Variants in RIPK3 observed in about 807,000 individuals in gnomAD.
RIPK3 encodes receptor-interacting serine/threonine-protein kinase 3.
RIPK3 carries 51 observed loss-of-function variants against 51.6 expected under a neutral mutation model. The ratio of observed to expected loss-of-function variants is 0.99; its 90% CI spans 0.79 to 1.25. The LOEUF (loss-of-function observed/expected upper bound fraction) is 1.25, where lower values mean the gene tolerates loss of function less well. Ranked by LOEUF, RIPK3 falls within the 50% of genes most tolerant of loss-of-function variation. The pLI is 0.00. For missense variants in RIPK3, 654 were observed against 650.4 expected (o/e 1.01, Z -0.06); for synonymous variants, 246 against 257.7 (o/e 0.95, Z 0.44).
Position 24,336,083 on chromosome 14 carries a change from C to T in RIPK3, c.*92G>A. On this transcript the variant is annotated 3_prime_UTR_variant, in exon 10 of 10. Coordinates refer to ENST00000216274, the MANE Select transcript of RIPK3 (RefSeq NM_006871.4). ...ACAGGTCACAAAGTCAGTTTGTGGG[C>T]AGGCCAGACTGCCCTAGAAGGAAGT... The T allele has an allele frequency of 1.5e-6, 2 of 1,317,670 alleles. No individual in the cohort carries two copies. Among genetic ancestry groups the T allele is most frequent in the Non-Finnish European group, 2.1e-6 (2 of 961,584 alleles). 81.6% of individuals were successfully genotyped at this position (1,317,670 alleles called of 1,614,324 possible). A position where few individuals can be genotyped will look rare whatever the true frequency, so the allele number is the denominator to read the frequency against.
intron 8 of RIPK3, 41 bp downstream of exon 8, chr14:24,337,045 T>C (rs1345385678): frequency 6.2e-7 from 1 of 1,608,754 alleles, no homozygotes; most frequent in Non-Finnish European, 8.5e-7. Flanking sequence ...ACAGCATTTA[T>C]AGGACTCTTA....
At position 24,336,328 on chromosome 14, in the gene RIPK3, C is replaced by A. The variant is rs1566445497; in HGVS notation, c.1404G>T (p.Met468Ile). The A allele has an allele frequency of 6.2e-7, 1 of 1,613,932 alleles. No homozygotes were observed. Residue 468 changes from methionine (M) to isoleucine (I), a missense_variant, in exon 10 of 10, where the codon ATG becomes ATT. Transcript: ENST00000216274. ...ATGTGGGCAAGGCAGTTGTCTGTTGCATAGTCAAGTAGTTGTTGTCTCCAA... is the reference window on the plus strand; with the variant it reads ...ATGTGGGCAAGGCAGTTGTCTGTTGAATAGTCAAGTAGTTGTTGTCTCCAA... ...VQVGDNNYLTMQQTTALPTWG... is the reference protein window; with the variant it reads ...VQVGDNNYLTIQQTTALPTWG...
intron 3 of RIPK3, 51 bp from the exon 4 acceptor site, chr14:24,338,618 A>G (rs1420325857): frequency 1.3e-6 from 2 of 1,555,176 alleles, no homozygotes; most frequent in African/African-American, 1.4e-5. Context: ...GGGGCCAGAG[A>G]GCCTCCAGGA....
Position 24,337,124 on chromosome 14 carries a change from A to C in RIPK3, c.1237T>G (p.Ser413Ala). ...GGTCCAGGACTTGGTGTTCCAGTTG[A>C]GGTAGGGCTGGGCATCTGGTTTCTG... ...TFRNQMPSPT[S>A]TGTPSPGPRG... Residue 413 changes from serine (S) to alanine (A), a missense_variant, in exon 8 of 10, where the codon TCA (serine) becomes GCA (alanine). Coordinates refer to ENST00000216274, the MANE Select transcript of RIPK3 (RefSeq NM_006871.4). 1 of 1,610,822 alleles carries C rather than the reference A, an allele frequency of 6.2e-7. No homozygotes were observed. The highest frequency in any genetic ancestry group is 8.5e-7 in the Non-Finnish European group (1 of 1,179,984).
chr14:24,336,884 C>A lies in RIPK3; in HGVS notation c.1336+1G>T. 6.2e-7 allele frequency: 1 copy of A among 1,613,104 alleles called. No individual in the cohort carries two copies. Among genetic ancestry groups the A allele is most frequent in the African/African-American group, 1.3e-5 (1 of 74,998 alleles). ...AAAAGAAAGAGGTAGAGAATGGGTA[C>A]CTGTTACTGGATTTGGCTCCGGGGT... is the stretch of plus-strand genomic sequence containing the variant. On this transcript the variant is annotated splice_donor_variant, in intron 9 of 9. Transcript: ENST00000216274. LOFTEE classifies it high-confidence loss of function.
chr14:24,339,005 A>G lies in RIPK3; in HGVS notation c.471+10T>C. On this transcript the variant is annotated intron_variant, in intron 3 of 9. Coordinates refer to ENST00000216274, the MANE Select transcript of RIPK3 (RefSeq NM_006871.4). The surrounding 1 kb of genome is among the most constrained non-coding windows in gnomAD (Gnocchi z 4.0). ...TGTCTTGAGGCTGAGAGGGGTGTAG[A>G]CCAGCTGACCTTGACGTGCAGCTCT... The G allele has an allele frequency of 2.5e-6, 4 of 1,606,688 alleles. No individual in the cohort carries two copies. The highest frequency in any genetic ancestry group is 3.4e-6 in the Non-Finnish European group (4 of 1,173,138).
chr14:24,337,404 C>T lies in RIPK3; in HGVS notation c.957G>A (p.Glu319=), dbSNP rs1594677814. ...RSSNRRFSIP[E]SGQGGTEMDG... is the part of the protein sequence containing the mutation. ...CCATTTCTGTCCCTCCTTGGCCTGA[C>T]TCTGGGATAGAAAATCTCCTATTGC... The change falls in exon 8 of 10, where the codon GAG becomes GAA. Residue 319 remains glutamate (E), a synonymous_variant. Transcript: ENST00000216274. The T allele has an allele frequency of 6.2e-7, 1 of 1,613,998 alleles. No homozygotes were observed. The highest frequency in any genetic ancestry group is 8.5e-7 in the Non-Finnish European group (1 of 1,179,926).
In RIPK3 at chr14:24,336,929, C is replaced by A; in HGVS notation, c.1292G>T (p.Gly431Val). 1 of 1,614,076 alleles carries A rather than the reference C, an allele frequency of 6.2e-7. No individual in the cohort carries two copies. The highest frequency in any genetic ancestry group is 1.1e-5 in the South Asian group (1 of 91,072). Residue 431 changes from glycine to valine, a missense_variant, in exon 9 of 10, where the codon GGC becomes GTC. Coordinates refer to ENST00000216274, the MANE Select transcript of RIPK3 (RefSeq NM_006871.4). ...CGGGGTCCTGCAGGACCAGTTCATGCCTTGTCTCTCAGCCCCCTGCAAACA... is the reference window on the plus strand; with the variant it reads ...CGGGGTCCTGCAGGACCAGTTCATGACTTGTCTCTCAGCCCCCTGCAAACA... ...PRGNQGAERQ[G>V]MNWSCRTPEP... is the part of the protein sequence containing the mutation.
rs1392573923 is a variant in RIPK3, at chr14:24,339,656, G to A, written c.21-59C>T. ...GCCGTGCCTCAGCGCTGCTCCCCGC[G>A]CCCCTGTGACTCGGCGTTCTCACTG... On this transcript the variant is annotated intron_variant, in intron 1 of 9. Transcript: ENST00000216274. This position sits in a 1 kb window ranked among gnomAD's most constrained non-coding sequence, Gnocchi z 4.0. 6 of 1,606,724 alleles carry A rather than the reference G, an allele frequency of 3.7e-6. No homozygotes were observed. Among genetic ancestry groups the A allele is most frequent in the Non-Finnish European group, 5.1e-6 (6 of 1,175,070 alleles).
intron 9 of RIPK3, 146 bp from the exon 10 acceptor site, chr14:24,336,541 A>G: frequency 8.5e-7 from 1 of 1,180,442 alleles, no homozygotes; most frequent in Middle Eastern, 2.9e-4. Context: ...CCTCTCCAGA[A>G]TTGTGTTAGC....
chr14:24,337,273 T>A lies in RIPK3; in HGVS notation c.1088A>T (p.Lys363Ile). 1 of 1,614,124 alleles carries A rather than the reference T, an allele frequency of 6.2e-7. No homozygotes were observed. The highest frequency in any genetic ancestry group is 8.5e-7 in the Non-Finnish European group (1 of 1,180,036). ...CCTCTTGGTAAGGCTCGGGCATTTTTTAGGAACAGAGCTGGGAGGCTCCTC... is the reference window on the plus strand; with the variant it reads ...CCTCTTGGTAAGGCTCGGGCATTTTATAGGAACAGAGCTGGGAGGCTCCTC... Reference protein sequence around the residue: ...NLEEPPSSVPKKCPSLTKRSR... With the variant: ...NLEEPPSSVPIKCPSLTKRSR... The change falls in exon 8 of 10, where the codon AAA becomes ATA. Residue 363 changes from lysine to isoleucine, a missense_variant. Lys to Ile is a moderately radical substitution (Grantham distance 102). Transcript: ENST00000216274.
In RIPK3 at chr14:24,336,939, C is replaced by T. The variant is rs2042143031; in HGVS notation, c.1282G>A (p.Glu428Lys). Reference protein sequence around the residue: ...SPGPRGNQGAERQGMNWSCRT... With the variant: ...SPGPRGNQGAKRQGMNWSCRT... ...CAGGACCAGTTCATGCCTTGTCTCT[C>T]AGCCCCCTGCAAACAGCACAGAGCA... is the stretch of plus-strand genomic sequence containing the variant. Residue 428 changes from glutamate (E) to lysine (K), a missense_variant, in exon 9 of 10, where the codon GAG becomes AAG. Physicochemically the swap from Glu to Lys is moderately conservative, Grantham distance 56. Transcript: ENST00000216274. 3 of 1,613,902 alleles carry T rather than the reference C, an allele frequency of 1.9e-6. No homozygotes were observed. The highest frequency in any genetic ancestry group is 1.7e-5 in the Admixed American group (1 of 60,016).
Position 24,336,248 on chromosome 14 carries a change from C to A in RIPK3, c.1484G>T (p.Gly495Val). ...AGGATCTTTAGGGCCTTCTTGCGAA[C>A]CTACTGGTGGGGGGTGCTGCAAGCC... ...GRGLQHPPPV[G>V]SQEGPKDPEA... Residue 495 changes from glycine to valine, a missense_variant, in exon 10 of 10, where the codon GGT becomes GTT. Coordinates refer to ENST00000216274, the MANE Select transcript of RIPK3 (RefSeq NM_006871.4). The A allele has an allele frequency of 6.2e-7, 1 of 1,614,112 alleles. No individual in the cohort carries two copies. Among genetic ancestry groups the A allele is most frequent in the Non-Finnish European group, 8.5e-7 (1 of 1,180,022 alleles).
intron 7 of RIPK3, 108 bp downstream of exon 7, chr14:24,337,587 A>G: frequency 6.4e-7 from 1 of 1,573,532 alleles, no homozygotes; most frequent in Non-Finnish European, 8.7e-7. Context: ...GTGGGTACAA[A>G]GGTCAAGGCA....
At chr14:24,337,644 C>A (rs139820893) in intron 7 of RIPK3, 51 bp downstream of exon 7, 17 of 1,542,772 alleles carry the variant, frequency 1.1e-5, no homozygotes, top group Non-Finnish European at 1.5e-5. Flanking sequence ...CAGGTAGCCA[C>A]GCTGTGCCAT....
In RIPK3 at chr14:24,336,948, G is replaced by A; in HGVS notation, c.1276-3C>T. On this transcript the variant is annotated splice_polypyrimidine_tract_variant and splice_region_variant and intron_variant, in intron 8 of 9. Coordinates refer to ENST00000216274, the MANE Select transcript of RIPK3 (RefSeq NM_006871.4). The stretch of plus-strand genomic sequence containing the variant: ...TTCATGCCTTGTCTCTCAGCCCCCT[G>A]CAAACAGCACAGAGCATCCAGTTCT... 7.4e-6 allele frequency: 12 copies of A among 1,613,806 alleles called. No homozygotes were observed. The highest frequency in any genetic ancestry group is 8.5e-6 in the Non-Finnish European group (10 of 1,179,790).
chr14:24,336,090 G>C lies in RIPK3; in HGVS notation c.*85C>G, dbSNP rs1029828059. 32 of 1,419,048 alleles carry C rather than the reference G, an allele frequency of 2.3e-5. No homozygotes were observed. Among genetic ancestry groups the C allele is most frequent in the Non-Finnish European group, 1.6e-5 (17 of 1,044,676 alleles). 87.9% of individuals were successfully genotyped at this position (1,419,048 alleles called of 1,614,324 possible). On this transcript the variant is annotated 3_prime_UTR_variant, in exon 10 of 10. Coordinates refer to ENST00000216274, the MANE Select transcript of RIPK3 (RefSeq NM_006871.4). ...ACAAAGTCAGTTTGTGGGCAGGCCA[G>C]ACTGCCCTAGAAGGAAGTCAGGGGC...
intron 3 of RIPK3, 191 bp from the exon 4 acceptor site, chr14:24,338,758 G>C (rs1480318827): frequency 2.4e-5 from 20 of 824,450 alleles, no homozygotes; most frequent in Admixed American, 1.2e-4. Flanking sequence ...AGTCTCCAGG[G>C]CTGGGTCAGC....
chr14:24,337,364 T>G lies in RIPK3; in HGVS notation c.997A>C (p.Thr333Pro), dbSNP rs1274550624. ...TTACGAGAGTGCTGGTTTTCTATGG[T>G]TCTCCTAAAGCCATCCATTTCTGTC... Reference protein sequence around the residue: ...GGTEMDGFRRTIENQHSRNDV... With the variant: ...GGTEMDGFRRPIENQHSRNDV... The change falls in exon 8 of 10, where the codon ACC becomes CCC. Residue 333 changes from threonine (T) to proline (P), a missense_variant. Transcript: ENST00000216274. The G allele has an allele frequency of 6.2e-7, 1 of 1,613,964 alleles. No individual in the cohort carries two copies. Among genetic ancestry groups the G allele is most frequent in the East Asian group, 2.2e-5 (1 of 44,886 alleles).
Sources: gnomAD v4.1 joint callset for allele counts on GRCh38, gnomAD v4.1.1 for gene constraint, Gnocchi (gnomAD v3.1) non-coding constraint, MANE v1.5 for transcripts, NCBI Gene and HGNC (gene_info 2026-07-23, HGNC 2026-07-21) for gene names.